TNFRSF10B: variants seen among roughly 807,000 people sequenced by gnomAD.
TNFRSF10B encodes the protein tumor necrosis factor receptor superfamily member 10B.
In TNFRSF10B, 35 loss-of-function variants were observed where a neutral mutation model predicts 41.4. The ratio of observed to expected loss-of-function variants is 0.85; its 90% CI spans 0.65 to 1.12. The LOEUF is 1.12. Ranked by LOEUF, TNFRSF10B falls within the 50% of genes most tolerant of loss-of-function variation. TNFRSF10B has a pLI of 0.00. For synonymous variants in TNFRSF10B, 230 were observed against 215.5 expected, an observed-to-expected ratio of 1.07 and a Z score of -0.59; for missense variants, 584 against 552.7, an observed-to-expected ratio of 1.06 and a Z score of -0.57.
In TNFRSF10B at chr8:23,045,575, A is replaced by C. The variant is rs113767725; in HGVS notation, c.145-2332T>G. Among the ~76,000 whole-genome samples the C allele has an allele frequency of 4.1e-3, 621 of 152,360 alleles. 6 individuals carry two copies. The highest frequency in any genetic ancestry group is 0.014 in the African/African-American group (597 of 41,580). ...AAATTACAGAGGAGGGACTACTTCC[A>C]AACTTATTTTACAAGGCTTGCATTA... On this transcript the variant is annotated intron_variant, in intron 1 of 8. Coordinates refer to ENST00000276431, the MANE Select transcript of TNFRSF10B (RefSeq NM_003842.5).
intron 4 of TNFRSF10B, 104 bp from the exon 5 acceptor site, chr8:23,028,706 CAG>C: frequency 7.0e-7 from 1 of 1,431,026 alleles, no homozygotes; most frequent in Non-Finnish European, 9.8e-7. Context: ...GAGAAGGTGT[CAG>C]GGGAAGGACA....
At chr8:23,059,998 T>C (rs1812786693) in intron 1 of TNFRSF10B, among the ~76,000 whole-genome samples, 3 of 152,224 alleles carry the variant, frequency 2.0e-5, no homozygotes, top group Admixed American at 6.5e-5. Context: ...TGTTTTTGTT[T>C]TGTTAGATCG....
intron 1 of TNFRSF10B, among the ~76,000 whole-genome samples, chr8:23,045,360 A>C (rs1159348275): frequency 6.6e-6 from 1 of 152,242 alleles, no homozygotes; most frequent in Non-Finnish European, 1.5e-5. Flanking sequence ...TTCTAGACAC[A>C]TACAACCTAC....
chr8:23,060,779 A>G (rs1471428864), intron 1 of TNFRSF10B, among the ~76,000 whole-genome samples: 2 of 152,116 alleles, frequency 1.3e-5, no homozygotes, highest in East Asian at 3.8e-4. Flanking sequence ...ATATCTTTCC[A>G]TTTATTTTTG....
intron 1 of TNFRSF10B, among the ~76,000 whole-genome samples, chr8:23,053,868 T>A (rs939213374): frequency 1.3e-5 from 2 of 152,236 alleles, no homozygotes; most frequent in African/African-American, 4.8e-5. Context: ...TGTATGTGCA[T>A]AAATATATTA....
intron 1 of TNFRSF10B, among the ~76,000 whole-genome samples, chr8:23,067,799 C>T (rs1462570686): frequency 6.6e-6 from 1 of 152,218 alleles, no homozygotes. Flanking sequence ...CTTCCTTTCA[C>T]TGTTCCTCCT....
chr8:23,055,521 T>TTAAAAAAAAAAAAAAAA (rs1554510887), intron 1 of TNFRSF10B, among the ~76,000 whole-genome samples: 1 of 120,548 alleles, frequency 8.3e-6, no homozygotes. Context: ...ATTAAATGCT[T>TTAAAAAAAAAAAAAAAA]AAAAAAAAAA....
Position 23,028,376 on chromosome 8 carries a change from A to G in TNFRSF10B, c.703T>C (p.Leu235=), listed in dbSNP as rs1274603299. The G allele has an allele frequency of 6.2e-7, 1 of 1,614,038 alleles. No individual in the cohort carries two copies. The highest frequency in any genetic ancestry group is 8.5e-7 in the Non-Finnish European group (1 of 1,180,010). The change falls in exon 5 of 9, where the codon TTA becomes CTA. Residue 235 remains leucine (L), a synonymous_variant. Coordinates refer to ENST00000276431, the MANE Select transcript of TNFRSF10B (RefSeq NM_003842.5). ...TAAGGAAGGACTTTCTTCCACAGTA[A>G]AGACTTGCAAACAAACACAGCCACA... ...LIVAVFVCKS[L]LWKKVLPYLK...
rs1195259535 is a variant in TNFRSF10B at position 23,040,266 on chromosome 8, AAT to A, written c.250+2870_250+2871del. ...TATATATTTAAATATATATTTATTA[AAT>A]ATATATATAATATATATTTATTAAA... On this transcript the variant is annotated intron_variant, in intron 2 of 8. Coordinates refer to ENST00000276431, the MANE Select transcript of TNFRSF10B (RefSeq NM_003842.5). Among the ~76,000 whole-genome samples, 24 of 107,814 alleles carry A rather than the reference AAT, an allele frequency of 2.2e-4. 6 individuals carry two copies. Among genetic ancestry groups the A allele is most frequent in the African/African-American group, 6.2e-4 (17 of 27,412 alleles). The allele number at this position is 107,814 out of a possible 152,430, so 70.7% of individuals were successfully genotyped here. A position where few individuals can be genotyped will look rare whatever the true frequency, so the allele number is the denominator to read the frequency against.
At chr8:23,049,134 T>C (rs992086208) in intron 1 of TNFRSF10B, among the ~76,000 whole-genome samples, 4 of 152,032 alleles carry the variant, frequency 2.6e-5, no homozygotes, top group Non-Finnish European at 5.9e-5. Context: ...AAACACACAC[T>C]GGGAAAAACA....
At chr8:23,023,045 C>A in intron 8 of TNFRSF10B, 61 bp from the exon 9 acceptor site, 1 of 1,583,386 alleles carries the variant, frequency 6.3e-7, no homozygotes, top group Non-Finnish European at 8.5e-7. Flanking sequence ...GCAGAGGATT[C>A]CACATCAGGC....
intron 2 of TNFRSF10B, among the ~76,000 whole-genome samples, chr8:23,041,050 A>C (rs1432396598): frequency 9.0e-6 from 1 of 110,730 alleles, no homozygotes; most frequent in South Asian, 3.2e-4. Flanking sequence ...ATATATGATA[A>C]TTTTTTTTTT....
intron 1 of TNFRSF10B, among the ~76,000 whole-genome samples, chr8:23,044,754 TAGC>T (rs1448070511): frequency 2.6e-5 from 4 of 151,792 alleles, no homozygotes; most frequent in African/African-American, 9.7e-5. Flanking sequence ...AGCCCACAGT[TAGC>T]AGAACAAAAG....
rs747292284 is a variant in TNFRSF10B, at chr8:23,027,253, G to A, written c.816C>T (p.Leu272=). 1.9e-6 allele frequency: 3 copies of A among 1,614,018 alleles called. No individual in the cohort carries two copies. Among genetic ancestry groups the A allele is most frequent in the Non-Finnish European group, 2.5e-6 (3 of 1,180,042 alleles). ...GCTGCAAGATACTCACGATCTCATT[G>A]AGGACATTGTCCTCAGCCCCAGGTC... ...SQRPGAEDNV[L]NEIVSILQPT... Residue 272 remains leucine, a synonymous_variant, in exon 7 of 9, where the codon CTC becomes CTT. Coordinates refer to ENST00000276431, the MANE Select transcript of TNFRSF10B (RefSeq NM_003842.5).
intron 2 of TNFRSF10B, among the ~76,000 whole-genome samples, chr8:23,036,043 G>T (rs1812021822): frequency 6.6e-6 from 1 of 151,948 alleles, no homozygotes; most frequent in African/African-American, 2.4e-5. Context: ...GTCAACCACA[G>T]CACAGGCCCT....
chr8:23,068,142 G>C (rs1303567509), intron 1 of TNFRSF10B: 2 of 153,368 alleles, frequency 1.3e-5, no homozygotes, highest in Non-Finnish European at 2.9e-5. Context: ...AATGGCATTG[G>C]CGATGAGCGG....
intron 1 of TNFRSF10B, among the ~76,000 whole-genome samples, chr8:23,066,274 C>A (rs925935320): frequency 1.1e-4 from 16 of 151,818 alleles, no homozygotes; most frequent in African/African-American, 3.9e-4. Context: ...CAGAGTAAGA[C>A]CCTGTCTCAA....
chr8:23,041,792 A>G (rs556055400), intron 2 of TNFRSF10B, among the ~76,000 whole-genome samples: 1 of 152,170 alleles, frequency 6.6e-6, no homozygotes, highest in South Asian at 2.1e-4. Context: ...TGTGGCTGGA[A>G]GGGCCATCTC....
chr8:23,021,947 A>T lies in TNFRSF10B; in HGVS notation c.*724T>A, dbSNP rs574007474. 47 of 452,866 alleles carry T rather than the reference A, an allele frequency of 1.0e-4. No individual in the cohort carries two copies. Among genetic ancestry groups the T allele is most frequent in the African/African-American group, 8.8e-4 (44 of 50,000 alleles). 28.1% of individuals were successfully genotyped at this position (452,866 alleles called of 1,614,324 possible). ...GTTTCTTCATGTTCATAAAATAATA[A>T]CATACAGAATTATAAAAGTAGAAAG... On this transcript the variant is annotated 3_prime_UTR_variant, in exon 9 of 9. Coordinates refer to ENST00000276431, the MANE Select transcript of TNFRSF10B (RefSeq NM_003842.5).
Sources: gnomAD v4.1 joint callset for allele counts (sites outside exome capture counted in the v4.1 genomes callset) on GRCh38, gnomAD v4.1.1 for gene constraint, MANE v1.5 for transcripts, NCBI Gene and HGNC (gene_info 2026-07-23, HGNC 2026-07-21) for gene names.